MAGI2: variants seen among roughly 807,000 people sequenced by gnomAD.
MAGI2 encodes membrane-associated guanylate kinase, WW and PDZ domain-containing protein 2.
Under a neutral mutation model 133.3 loss-of-function variants are expected in MAGI2, and 35 were observed. That is an observed-to-expected ratio of 0.26 (90% CI 0.20 to 0.35). The LOEUF (loss-of-function observed/expected upper bound fraction) is 0.35. Ranked by LOEUF, MAGI2 falls within the 10% of genes least tolerant of loss-of-function variation. The probability of loss-of-function intolerance (pLI) is 1.00; values close to 1 mark genes in which losing one functional copy is unlikely to be tolerated. For synonymous variants in MAGI2, 729 were observed against 710.6 expected (o/e 1.03, Z -0.41); for missense variants, 1,636 against 1,863.4 (o/e 0.88, Z 2.25).
At chr7:79,142,158 G>C (rs62460847) in intron 1 of MAGI2, among the ~76,000 whole-genome samples, 4,400 of 152,232 alleles carry the variant, frequency 0.029, 68 homozygotes, top group South Asian at 0.046. Flanking sequence ...ATAGATCACT[G>C]AGGCTTAACT....
intron 1 of MAGI2, among the ~76,000 whole-genome samples, chr7:79,235,124 A>G (rs2129554568): frequency 6.6e-6 from 1 of 151,764 alleles, no homozygotes; most frequent in African/African-American, 2.4e-5. Flanking sequence ...GGGGTCAGGG[A>G]CCCACTTGAG....
intron 6 of MAGI2, among the ~76,000 whole-genome samples, chr7:78,411,132 T>G (rs773522188): frequency 2.6e-5 from 4 of 152,048 alleles, no homozygotes; most frequent in Non-Finnish European, 5.9e-5. Flanking sequence ...ACTGAATTTG[T>G]TTTTCTTTTA....
intron 6 of MAGI2, among the ~76,000 whole-genome samples, chr7:78,437,010 G>C (rs1800355966): frequency 6.6e-6 from 1 of 152,198 alleles, no homozygotes; most frequent in Non-Finnish European, 1.5e-5. Context: ...ACGCAGAGTA[G>C]AGTCAGAGTG....
chr7:79,299,991 G>A (rs1455406992), intron 1 of MAGI2, among the ~76,000 whole-genome samples: 2 of 152,136 alleles, frequency 1.3e-5, no homozygotes, highest in South Asian at 2.1e-4. Flanking sequence ...AGAGGCAGCT[G>A]TCACTATGCT....
rs76393993 is a variant in MAGI2, at chr7:79,184,339, C to A, written c.302-177133G>T. 5.9e-3 allele frequency among the ~76,000 whole-genome samples: 887 copies of A among 151,200 alleles called. 23 individuals carry two copies. The highest frequency in any genetic ancestry group is 0.051 in the East Asian group (260 of 5,134). On this transcript the variant is annotated intron_variant, in intron 1 of 21. Coordinates refer to ENST00000354212, the MANE Select transcript of MAGI2 (RefSeq NM_012301.4). Reference sequence around the variant, plus strand: ...GTCACTGCACAGGTGATAGGTGCACCAATATCTCAGAAATCACCATTAAAG... The same window carrying A: ...GTCACTGCACAGGTGATAGGTGCACAAATATCTCAGAAATCACCATTAAAG...
chr7:78,880,118 G>T (rs1773617697), intron 2 of MAGI2, among the ~76,000 whole-genome samples: 1 of 136,978 alleles, frequency 7.3e-6, no homozygotes, highest in East Asian at 2.1e-4. Flanking sequence ...TGAAAGAGAA[G>T]GAGAAAAAGT....
chr7:78,611,115 G>A (rs1806391902), intron 3 of MAGI2, among the ~76,000 whole-genome samples: 1 of 152,170 alleles, frequency 6.6e-6, no homozygotes, highest in African/African-American at 2.4e-5. Flanking sequence ...CAAGTCTGGT[G>A]TTGTTTTGGG....
chr7:79,175,801 A>G (rs998847699), intron 1 of MAGI2, among the ~76,000 whole-genome samples: 3 of 152,024 alleles, frequency 2.0e-5, no homozygotes, highest in Non-Finnish European at 2.9e-5. Context: ...AAGATACACT[A>G]TTATAATCTT....
chr7:79,003,173 T>C (rs4730599), intron 2 of MAGI2, among the ~76,000 whole-genome samples: 102,646 of 151,692 alleles, frequency 0.68, 34,870 homozygotes, highest in Non-Finnish European at 0.7. Context: ...ATTGACTGAG[T>C]ATATGTATAT....
intron 21 of MAGI2, among the ~76,000 whole-genome samples, chr7:78,038,634 T>G (rs534993755): frequency 1.3e-5 from 2 of 152,250 alleles, no homozygotes; most frequent in Admixed American, 1.3e-4. Context: ...CCCCAGGGAT[T>G]CACATGCGGG....
chr7:79,393,685 T>C (rs1844832645), intron 1 of MAGI2, among the ~76,000 whole-genome samples: 1 of 152,204 alleles, frequency 6.6e-6, no homozygotes. Context: ...GTATTACTTG[T>C]TTCATATCAA....
chr7:78,509,330 A>C (rs534675356), intron 4 of MAGI2: 3 of 152,300 alleles, frequency 2.0e-5, no homozygotes, highest in Non-Finnish European at 4.4e-5. Flanking sequence ...ATCTATAAAA[A>C]CATATTTTAT....
chr7:78,430,762 T>C (rs531427677), intron 6 of MAGI2, among the ~76,000 whole-genome samples: 8 of 152,216 alleles, frequency 5.3e-5, no homozygotes, highest in African/African-American at 1.9e-4. Flanking sequence ...ACTAGTCCTT[T>C]ACGTCTTGAA....
At chr7:78,914,236 CATTTAATAACAT>C (rs1196573371) in intron 2 of MAGI2, among the ~76,000 whole-genome samples, 4 of 152,090 alleles carry the variant, frequency 2.6e-5, no homozygotes, top group Admixed American at 2.6e-4. Flanking sequence ...ATTCAATAAA[CATTTAATAACAT>C]ATGAACAAAC....
chr7:78,699,922 A>C (rs1051336508), intron 2 of MAGI2, among the ~76,000 whole-genome samples: 1 of 152,154 alleles, frequency 6.6e-6, no homozygotes, highest in African/African-American at 2.4e-5. Context: ...AAAATAATGT[A>C]AGTCCCCCAT....
intron 2 of MAGI2, among the ~76,000 whole-genome samples, chr7:78,736,622 A>G (rs962019106): frequency 6.6e-6 from 1 of 152,140 alleles, no homozygotes; most frequent in African/African-American, 2.4e-5. Context: ...TCATAATAGT[A>G]TTAATACTAA....
chr7:78,340,033 C>G (rs974921391), intron 9 of MAGI2, among the ~76,000 whole-genome samples: 4 of 151,936 alleles, frequency 2.6e-5, no homozygotes, highest in African/African-American at 9.7e-5. Flanking sequence ...TTTTGTTTCT[C>G]TATACACAAA....
rs915007706 is a variant in MAGI2, at chr7:79,209,020, TG to T, written c.302-201815del. ...GAATGGTAGTTACCAGAATCTGGGG[TG>T]GTCGTCGGGGCAGGGGGCTGTTGTG... On this transcript the variant is annotated intron_variant, in intron 1 of 21. Coordinates refer to ENST00000354212, the MANE Select transcript of MAGI2 (RefSeq NM_012301.4). 3.4e-4 allele frequency among the ~76,000 whole-genome samples: 51 copies of T among 151,980 alleles called. 1 individual carries two copies. Among genetic ancestry groups the T allele is most frequent in the African/African-American group, 1.2e-3 (50 of 41,400 alleles).
rs200333526 is a variant in MAGI2, at chr7:78,689,682, CTTTTTTTTTT to C, written c.419-62453_419-62444del. On this transcript the variant is annotated intron_variant, in intron 2 of 21. Coordinates refer to ENST00000354212, the MANE Select transcript of MAGI2 (RefSeq NM_012301.4). ...ACAATGTGTATCTTTTTGGATCTGG[CTTTTTTTTTT>C]TTTTTTTTTTTTGCTAAGCTTCAGT... 4.3e-5 allele frequency among the ~76,000 whole-genome samples: 4 copies of C among 92,012 alleles called. 1 individual carries two copies. Among genetic ancestry groups the C allele is most frequent in the East Asian group, 3.8e-4 (1 of 2,614 alleles). 60.4% of individuals were successfully genotyped at this position (92,012 alleles called of 152,430 possible). A position where few individuals can be genotyped will look rare whatever the true frequency, so the allele number is the denominator to read the frequency against.
Sources: gnomAD v4.1 joint callset for allele counts (sites outside exome capture counted in the v4.1 genomes callset) on GRCh38, gnomAD v4.1.1 for gene constraint, MANE v1.5 for transcripts, NCBI Gene and HGNC (gene_info 2026-07-23, HGNC 2026-07-21) for gene names.